The following DENND1A variants were observed in gnomAD, a reference collection of about 807,000 sequenced individuals.
DENND1A encodes the protein DENN domain-containing protein 1A.
DENND1A carries 51 observed loss-of-function variants against 113.7 expected under a neutral mutation model. The observed-to-expected ratio is 0.45, with a 90% CI of 0.36 to 0.57. The LOEUF is 0.57. Among genes scored for constraint, DENND1A ranks in the 20% least tolerant of loss-of-function variants. The pLI, the probability that DENND1A is intolerant of heterozygous loss-of-function variation, is 0.00. For missense variants in DENND1A, 1,258 were observed against 1,395.9 expected, an observed-to-expected ratio of 0.90 and a Z score of 1.57; for synonymous variants, 565 against 570.8, an observed-to-expected ratio of 0.99 and a Z score of 0.14.
At chr9:123,435,908 T>C (rs527994887) in intron 19 of DENND1A, among the ~76,000 whole-genome samples, 1 of 152,352 alleles carries the variant, frequency 6.6e-6, no homozygotes, top group Non-Finnish European at 1.5e-5. Context: ...CACCCGCTGA[T>C]GGCAAAGTCT....
chr9:123,673,605 G>A (rs1209773835), intron 6 of DENND1A, among the ~76,000 whole-genome samples: 1 of 152,180 alleles, frequency 6.6e-6, no homozygotes, highest in Non-Finnish European at 1.5e-5. Flanking sequence ...TGTGCTCACT[G>A]CTCCTTAGTA....
rs1476567527 is a variant in DENND1A, at chr9:123,792,847, A to T, written c.89-217T>A. Among the ~76,000 whole-genome samples the T allele has an allele frequency of 3.3e-5, 5 of 152,206 alleles. No individual in the cohort carries two copies. The East Asian group carries it at 9.6e-4, about 29-fold the overall frequency. On this transcript the variant is annotated intron_variant, in intron 2 of 23. Transcript: ENST00000394215. ...AAAAAAGAAAAATTTTAAAGACCTG[A>T]TGCTACTGTTAACTTTAGACTATTA...
At chr9:123,410,609 C>T (rs1203792278) in intron 20 of DENND1A, among the ~76,000 whole-genome samples, 1 of 152,214 alleles carries the variant, frequency 6.6e-6, no homozygotes, top group Non-Finnish European at 1.5e-5. Flanking sequence ...AAAACTGTGC[C>T]ACAGAATGGC....
chr9:123,521,568 A>C (rs963589068), intron 13 of DENND1A, among the ~76,000 whole-genome samples: 6 of 152,230 alleles, frequency 3.9e-5, no homozygotes, highest in Non-Finnish European at 2.9e-5. Flanking sequence ...ATAATCCTTA[A>C]GTTTCATGAT....
intron 12 of DENND1A, among the ~76,000 whole-genome samples, chr9:123,570,899 C>T (rs2058318603): frequency 6.6e-6 from 1 of 152,064 alleles, no homozygotes; most frequent in African/African-American, 2.4e-5. Flanking sequence ...AAGGCCAGGG[C>T]TTGAGATAAA....
chr9:123,870,253 C>A (rs1264533410), intron 2 of DENND1A, among the ~76,000 whole-genome samples: 2 of 149,578 alleles, frequency 1.3e-5, no homozygotes, highest in South Asian at 2.1e-4. Flanking sequence ...ACTGCACATA[C>A]AGGTAATATT....
chr9:123,579,254 G>A (rs2058772763), intron 12 of DENND1A, among the ~76,000 whole-genome samples: 1 of 152,116 alleles, frequency 6.6e-6, no homozygotes, highest in Non-Finnish European at 1.5e-5. Flanking sequence ...AAGTCTTAGA[G>A]AGCTTAAGTA....
chr9:123,703,526 C>T (rs1481102671), intron 5 of DENND1A, among the ~76,000 whole-genome samples: 2 of 151,900 alleles, frequency 1.3e-5, no homozygotes, highest in Non-Finnish European at 2.9e-5. Flanking sequence ...AGAATCAAAA[C>T]ACACTACTAT....
intron 13 of DENND1A, among the ~76,000 whole-genome samples, chr9:123,468,607 C>A (rs761323397): frequency 6.6e-6 from 1 of 152,194 alleles, no homozygotes; most frequent in African/African-American, 2.4e-5. Flanking sequence ...GGGAGGAGAA[C>A]GCTGTGCTGG....
At chr9:123,872,621 G>A (rs754763772) in intron 2 of DENND1A, among the ~76,000 whole-genome samples, 3 of 152,018 alleles carry the variant, frequency 2.0e-5, no homozygotes, top group Non-Finnish European at 4.4e-5. Flanking sequence ...TTTCCAAGAA[G>A]TTTAAAATTT....
At chr9:123,760,958 A>G (rs981472541) in intron 4 of DENND1A, among the ~76,000 whole-genome samples, 2 of 152,188 alleles carry the variant, frequency 1.3e-5, no homozygotes, top group African/African-American at 4.8e-5. Flanking sequence ...TCAGGTTTTG[A>G]TTTCACTTCT....
chr9:123,454,810 C>T (rs2047992470), intron 15 of DENND1A, 31 bp from the exon 16 acceptor site: 2 of 1,522,364 alleles, frequency 1.3e-6, no homozygotes, highest in South Asian at 2.4e-5. Context: ...GAAGCTGTCA[C>T]TTAAAGAGGT....
intron 10 of DENND1A, among the ~76,000 whole-genome samples, chr9:123,615,635 A>G (rs557557688): frequency 3.3e-5 from 5 of 152,190 alleles, no homozygotes; most frequent in Non-Finnish European, 7.4e-5. Context: ...TACTGAAGCC[A>G]TGCTGCCTGC....
chr9:123,662,053 C>G (rs2063266628), intron 8 of DENND1A, among the ~76,000 whole-genome samples: 1 of 152,102 alleles, frequency 6.6e-6, no homozygotes, highest in Admixed American at 6.5e-5. Flanking sequence ...GTGCCCAGCA[C>G]AATAGATGAA....
intron 2 of DENND1A, 83 bp downstream of exon 2, chr9:123,878,868 C>T (rs1266494354): frequency 3.0e-6 from 4 of 1,352,310 alleles, no homozygotes; most frequent in African/African-American, 2.9e-5. Flanking sequence ...TAACAATTTA[C>T]TCATATTCAC....
At chr9:123,720,002 T>G (rs895121651) in intron 5 of DENND1A, among the ~76,000 whole-genome samples, 2 of 152,202 alleles carry the variant, frequency 1.3e-5, no homozygotes, top group African/African-American at 4.8e-5. Context: ...CTGCTCTCCT[T>G]TCACCATGCC....
chr9:123,663,864 A>G (rs2063367515), intron 8 of DENND1A, among the ~76,000 whole-genome samples: 1 of 151,856 alleles, frequency 6.6e-6, no homozygotes, highest in African/African-American at 2.4e-5. Flanking sequence ...AAAAAAAACC[A>G]AAAGAATACT....
chr9:123,684,418 C>A (rs990828529), intron 5 of DENND1A, among the ~76,000 whole-genome samples: 21 of 152,180 alleles, frequency 1.4e-4, no homozygotes, highest in African/African-American at 5.1e-4. Context: ...TCCCTCCTAA[C>A]TCGAGGTGAG....
At chr9:123,816,932 A>C (rs986111931) in intron 2 of DENND1A, among the ~76,000 whole-genome samples, 18 of 152,204 alleles carry the variant, frequency 1.2e-4, no homozygotes, top group Non-Finnish European at 1.6e-4. Flanking sequence ...GGGCAAAAAT[A>C]CAGCCACTAG....
Sources: allele counts gnomAD v4.1 joint callset (sites outside exome capture counted in the v4.1 genomes callset), GRCh38; gene constraint gnomAD v4.1.1; transcripts MANE v1.5; gene names NCBI Gene and HGNC (gene_info 2026-07-23, HGNC 2026-07-21).